KRR1: variants seen among roughly 807,000 people sequenced by gnomAD.
The protein encoded by KRR1 is KRR1 small subunit processome component homolog.
A neutral mutation model predicts 50.0 loss-of-function variants in KRR1; 23 were observed. The observed-to-expected ratio is 0.46, with a 90% CI of 0.33 to 0.65. KRR1 has a LOEUF of 0.65. KRR1 is among the 30% of genes least tolerant of loss of function. The pLI, the probability that KRR1 is intolerant of heterozygous loss-of-function variation, is 0.02. For missense variants in KRR1, 419 were observed against 442.4 expected, an observed-to-expected ratio of 0.95 and a Z score of 0.47; for synonymous variants, 133 against 146.3, an observed-to-expected ratio of 0.91 and a Z score of 0.66.
At chr12:75,505,333 C>A in intron 5 of KRR1, 79 bp from the exon 6 acceptor site, 1 of 1,356,238 alleles carries the variant, frequency 7.4e-7, no homozygotes, top group African/African-American at 1.5e-5. Context: ...CTGCAAAAAT[C>A]AGGTAATGGG....
At position 75,497,911 on chromosome 12, in the gene KRR1, G is replaced by C. The variant is rs534960936; in HGVS notation, c.*1898C>G. On this transcript the variant is annotated 3_prime_UTR_variant, in exon 10 of 10. Coordinates refer to ENST00000229214, the MANE Select transcript of KRR1 (RefSeq NM_007043.7). Reference sequence around the variant, plus strand: ...AAATATATATAAAAAAAAATAACTAGAACATCACACTCTTGATTTCATCGA... The same window carrying C: ...AAATATATATAAAAAAAAATAACTACAACATCACACTCTTGATTTCATCGA... 1 of 151,916 alleles carries C rather than the reference G, an allele frequency of 6.6e-6. No homozygotes were observed. Among genetic ancestry groups the C allele is most frequent in the East Asian group, 1.9e-4 (1 of 5,188 alleles). The allele number at this position is 151,916 out of a possible 1,614,324, so 9.4% of individuals were successfully genotyped here.
chr12:75,496,499 T>C lies in KRR1; in HGVS notation c.*3310A>G, dbSNP rs1008924759. 2.6e-5 allele frequency: 4 copies of C among 152,222 alleles called. No homozygotes were observed. Among genetic ancestry groups the C allele is most frequent in the African/African-American group, 9.6e-5 (4 of 41,466 alleles). The allele number at this position is 152,222 out of a possible 1,614,324, so 9.4% of individuals were successfully genotyped here. On this transcript the variant is annotated 3_prime_UTR_variant, in exon 10 of 10. Transcript: ENST00000229214. ...CAAGCAAAATTCTGCTTTGTGATTT[T>C]GAAATATTAGTAAGTGACCAAGAGT...
At chr12:75,501,286 G>A (rs1176640592) in intron 9 of KRR1, 1 of 160,448 alleles carries the variant, frequency 6.2e-6, no homozygotes, top group Non-Finnish European at 1.4e-5. Flanking sequence ...GCATCCTTTA[G>A]TCTAAGGTGA....
intron 5 of KRR1, among the ~76,000 whole-genome samples, chr12:75,505,766 A>T (rs2046419087): frequency 6.6e-6 from 1 of 152,124 alleles, no homozygotes; most frequent in Non-Finnish European, 1.5e-5. Flanking sequence ...CCAGACAGTA[A>T]TAGTACCAAA....
At chr12:75,502,713 T>C (rs1476426528) in intron 7 of KRR1, 1 of 152,048 alleles carries the variant, frequency 6.6e-6, no homozygotes. Flanking sequence ...CCCAGTCACA[T>C]AATGAATTAA....
chr12:75,504,047 T>C lies in KRR1; in HGVS notation c.688A>G (p.Lys230Glu). The C allele has an allele frequency of 6.2e-7, 1 of 1,611,756 alleles. No individual in the cohort carries two copies. Among genetic ancestry groups the C allele is most frequent in the Non-Finnish European group, 8.5e-7 (1 of 1,178,542 alleles). The stretch of plus-strand genomic sequence containing the variant: ...CTTTGTGATCGTAATTCAGAATCTT[T>C]TGCCAACTCTCTCTTAATCATTAAG... ...KSLMIKRELA[K>E]DSELRSQSWE... The change falls in exon 7 of 10, where the codon AAA becomes GAA. Residue 230 changes from lysine (K) to glutamate (E), a missense_variant. Lys to Glu is a moderately conservative substitution (Grantham distance 56). Transcript: ENST00000229214.
rs953856438 is a variant in KRR1, at chr12:75,499,323, T to C, written c.*486A>G. ...CATTAGTTAAAAACATTATTATTTT[T>C]TGCATGCTGCTTCGACTCTAAATAT... On this transcript the variant is annotated 3_prime_UTR_variant, in exon 10 of 10. Transcript: ENST00000229214. 5.8e-5 allele frequency: 10 copies of C among 171,724 alleles called. No individual in the cohort carries two copies. The highest frequency in any genetic ancestry group is 9.8e-5 in the Non-Finnish European group (8 of 81,844). The allele number at this position is 171,724 out of a possible 1,614,324, so 10.6% of individuals were successfully genotyped here.
In KRR1 at chr12:75,499,191, T is replaced by TG; in HGVS notation, c.*617dup. ...AGCATTATTTGCAGGTTGCCACAGG[T>TG]GGACTTTTAGTAAGTAACCTAACCC... is the stretch of plus-strand genomic sequence containing the variant. On this transcript the variant is annotated 3_prime_UTR_variant, in exon 10 of 10. Transcript: ENST00000229214. The TG allele has an allele frequency of 2.6e-6, 1 of 388,540 alleles. No homozygotes were observed. The highest frequency in any genetic ancestry group is 5.4e-5 in the South Asian group (1 of 18,508). 24.1% of individuals were successfully genotyped at this position (388,540 alleles called of 1,614,324 possible). A position where few individuals can be genotyped will look rare whatever the true frequency, so the allele number is the denominator to read the frequency against.
At chr12:75,505,298 T>C in intron 5 of KRR1, 44 bp from the exon 6 acceptor site, 1 of 1,546,308 alleles carries the variant, frequency 6.5e-7, no homozygotes, top group African/African-American at 1.4e-5. Flanking sequence ...AGGATTTTAA[T>C]GAGCTATGGA....
intron 1 of KRR1, among the ~76,000 whole-genome samples, chr12:75,511,178 C>CA (rs2046446690): frequency 6.6e-6 from 1 of 152,224 alleles, no homozygotes; most frequent in Non-Finnish European, 1.5e-5. Flanking sequence ...CCCTATTCCT[C>CA]ATTCCGTCAG....
intron 2 of KRR1, 147 bp downstream of exon 2, chr12:75,508,127 T>C (rs1420463722): frequency 1.1e-5 from 5 of 452,886 alleles, no homozygotes; most frequent in Non-Finnish European, 1.9e-5. Flanking sequence ...GAAAACTTAC[T>C]TAAATAGTTT....
At position 75,491,471 on chromosome 12, in the gene KRR1, C is replaced by A. The variant is rs917468052; in HGVS notation, c.*8338G>T. 5 of 152,154 alleles carry A rather than the reference C, an allele frequency of 3.3e-5. No homozygotes were observed. Among genetic ancestry groups the A allele is most frequent in the Admixed American group, 3.3e-4 (5 of 15,278 alleles). The allele number at this position is 152,154 out of a possible 1,614,324, so 9.4% of individuals were successfully genotyped here. ...TTTTCATTTAATATATGATGAACAA[C>A]CTCATATATGTATCTTCAGTCACTT... On this transcript the variant is annotated 3_prime_UTR_variant, in exon 10 of 10. Coordinates refer to ENST00000229214, the MANE Select transcript of KRR1 (RefSeq NM_007043.7).
chr12:75,499,815 TTTTTTCTTC>T lies in KRR1; in HGVS notation c.1131_1139del (p.Lys378_Lys380del), dbSNP rs762601194. 2.5e-6 allele frequency: 4 copies of T among 1,598,560 alleles called. No individual in the cohort carries two copies. Among genetic ancestry groups the T allele is most frequent in the Admixed American group, 1.7e-5 (1 of 57,818 alleles). ...TCAAGGAGTTTTGGGTATGTTACTT[TTTTTTCTTC>T]TTTTTCTTTTCATCTGCCTCCATCT... On this transcript the variant is annotated inframe_deletion, in exon 10 of 10. Transcript: ENST00000229214.
chr12:75,504,855 GATCA>G (rs1358422877), intron 6 of KRR1, among the ~76,000 whole-genome samples: 1 of 151,990 alleles, frequency 6.6e-6, no homozygotes, highest in African/African-American at 2.4e-5. Context: ...ATTTCCGAAA[GATCA>G]TATCCTTAAA....
chr12:75,510,297 C>G (rs992764543), intron 1 of KRR1, among the ~76,000 whole-genome samples: 1 of 152,116 alleles, frequency 6.6e-6, no homozygotes, highest in African/African-American at 2.4e-5. Context: ...CTAGAGAAAC[C>G]CTTGAACATG....
chr12:75,501,448 G>A, intron 9 of KRR1: 1 of 314,122 alleles, frequency 3.2e-6, no homozygotes, highest in Non-Finnish European at 5.8e-6. Context: ...TGCACTGGCT[G>A]CCCTGGGTTT....
rs2046372290 is a variant in KRR1 at position 75,499,133 on chromosome 12, C to T, written c.*676G>A. On this transcript the variant is annotated 3_prime_UTR_variant, in exon 10 of 10. Coordinates refer to ENST00000229214, the MANE Select transcript of KRR1 (RefSeq NM_007043.7). Reference sequence around the variant, plus strand: ...TTACTCAAAAGAAGAAATTTCCTAACTCTATCAGATAAACTCATCTTTAGT... The same window carrying T: ...TTACTCAAAAGAAGAAATTTCCTAATTCTATCAGATAAACTCATCTTTAGT... 1 of 486,020 alleles carries T rather than the reference C, an allele frequency of 2.1e-6. No individual in the cohort carries two copies. Among genetic ancestry groups the T allele is most frequent in the Non-Finnish European group, 3.6e-6 (1 of 281,306 alleles). The allele number at this position is 486,020 out of a possible 1,614,324, so 30.1% of individuals were successfully genotyped here.
chr12:75,508,568 T>C (rs2046433143), intron 1 of KRR1, 122 bp from the exon 2 acceptor site: 1 of 577,824 alleles, frequency 1.7e-6, no homozygotes, highest in African/African-American at 1.9e-5. Flanking sequence ...AACCTTCCAA[T>C]ACTCCTTGCA....
chr12:75,499,759 C>T lies in KRR1; in HGVS notation c.*50G>A, dbSNP rs758293604. 6.9e-7 allele frequency: 1 copy of T among 1,449,788 alleles called. No individual in the cohort carries two copies. Among genetic ancestry groups the T allele is most frequent in the African/African-American group, 1.5e-5 (1 of 67,902 alleles). 89.8% of individuals were successfully genotyped at this position (1,449,788 alleles called of 1,614,324 possible). ...ATAAGGCAACTAATGCCTGATATCTCAAAATCCTTTACAAAAGGAGATAGT... is the reference window on the plus strand; with the variant it reads ...ATAAGGCAACTAATGCCTGATATCTTAAAATCCTTTACAAAAGGAGATAGT... On this transcript the variant is annotated 3_prime_UTR_variant, in exon 10 of 10. Coordinates refer to ENST00000229214, the MANE Select transcript of KRR1 (RefSeq NM_007043.7).
Sources: gnomAD v4.1 joint callset for allele counts (sites outside exome capture counted in the v4.1 genomes callset) on GRCh38, gnomAD v4.1.1 for gene constraint, MANE v1.5 for transcripts, NCBI Gene and HGNC (gene_info 2026-07-23, HGNC 2026-07-21) for gene names.